The following ADH5 variants were observed in gnomAD, a reference collection of about 807,000 sequenced individuals.
ADH5 encodes alcohol dehydrogenase class-3.
A neutral mutation model predicts 40.3 loss-of-function variants in ADH5; 32 were observed. That is an observed-to-expected ratio of 0.79 (90% confidence interval 0.60 to 1.07). The LOEUF (loss-of-function observed/expected upper bound fraction) is 1.07. ADH5 is among the 50% of genes least tolerant of loss of function. ADH5 has a pLI of 0.00. For missense variants in ADH5, 353 were observed against 460.5 expected, an observed-to-expected ratio of 0.77 and a Z score of 2.14; for synonymous variants, 125 against 154.3, an observed-to-expected ratio of 0.81 and a Z score of 1.41.
intron 4 of ADH5, among the ~76,000 whole-genome samples, chr4:99,078,886 T>C (rs1560754192): frequency 6.6e-6 from 1 of 152,272 alleles, no homozygotes; most frequent in African/African-American, 2.4e-5. Flanking sequence ...ATTTGATGTG[T>C]TGCAAAATCT....
intron 1 of ADH5, among the ~76,000 whole-genome samples, chr4:99,086,525 G>C (rs940524060): frequency 1.3e-5 from 2 of 152,306 alleles, no homozygotes; most frequent in Admixed American, 6.5e-5. Flanking sequence ...GGTTAAGAGT[G>C]TAACTTTGCT....
At position 99,085,135 on chromosome 4, in the gene ADH5, C is replaced by G; in HGVS notation, c.94G>C (p.Ala32Pro). 6.5e-7 allele frequency: 1 copy of G among 1,530,550 alleles called. No homozygotes were observed. The highest frequency in any genetic ancestry group is 8.8e-7 in the Non-Finnish European group (1 of 1,137,232). 94.8% of individuals were successfully genotyped at this position (1,530,550 alleles called of 1,614,324 possible). Residue 32 changes from alanine to proline, a missense_variant, in exon 2 of 9, where the codon GCT becomes CCT. Physicochemically the swap from Ala to Pro is conservative, Grantham distance 27. Transcript: ENST00000296412. ...ATTACCTTGATTCGAACTTCATGAG[C>G]CTTTGGGGGTGCCACCTCTATCTCC... ...IEEIEVAPPKAHEVRIKIIAT... is the reference protein window; with the variant it reads ...IEEIEVAPPKPHEVRIKIIAT...
rs749109587 is a variant in ADH5, at chr4:99,076,307, AC to A, written c.809del (p.Gly270ValfsTer3). The A allele has an allele frequency of 6.2e-7, 1 of 1,614,054 alleles. No homozygotes were observed. The highest frequency in any genetic ancestry group is 8.5e-7 in the Non-Finnish European group (1 of 1,179,904). On this transcript the variant is annotated frameshift_variant, in exon 6 of 9. Transcript: ENST00000296412. LOFTEE classifies it high-confidence loss of function. ...CCATACTCACCATGACCTTCACATT[AC>A]CAATACATTCAAAGGAATAGTCCAC... Reference protein sequence around the residue: ...GGVDYSFECIGNVKVMRAALE... With the variant: ...GGVDYSFECIXNVKVMRAALE...
At chr4:99,082,657 A>C (rs1398574298) in intron 2 of ADH5, among the ~76,000 whole-genome samples, 1 of 152,138 alleles carries the variant, frequency 6.6e-6, no homozygotes, top group Non-Finnish European at 1.5e-5. Context: ...TGTTATCTCT[A>C]TCTCTCTGGC....
intron 1 of ADH5, among the ~76,000 whole-genome samples, chr4:99,087,078 G>C (rs958234913): frequency 1.3e-5 from 2 of 151,362 alleles, no homozygotes; most frequent in Admixed American, 6.6e-5. Context: ...GAACTACATA[G>C]AGATATAAAA....
intron 2 of ADH5, among the ~76,000 whole-genome samples, chr4:99,083,858 G>C (rs1043772238): frequency 6.6e-6 from 1 of 152,094 alleles, no homozygotes; most frequent in Non-Finnish European, 1.5e-5. Flanking sequence ...AACACATGAA[G>C]TTTTCTACAT....
chr4:99,083,300 A>T (rs868691195), intron 2 of ADH5, among the ~76,000 whole-genome samples: 9 of 152,058 alleles, frequency 5.9e-5, no homozygotes, highest in African/African-American at 1.2e-4. Context: ...GTTGCAAAGG[A>T]CCTTAAGATG....
chr4:99,080,679 GTACCC>G (rs1192945688), intron 4 of ADH5: 1 of 152,374 alleles, frequency 6.6e-6, no homozygotes, highest in Non-Finnish European at 1.5e-5. Context: ...CTGTGCCCAG[GTACCC>G]TCTCTGTGTC....
intron 7 of ADH5, among the ~76,000 whole-genome samples, chr4:99,073,150 T>C (rs890710158): frequency 2.0e-5 from 3 of 151,066 alleles, no homozygotes; most frequent in Non-Finnish European, 2.9e-5. Context: ...AACTGAAAAA[T>C]GAAGTAGAAC....
At position 99,072,272 on chromosome 4, in the gene ADH5, G is replaced by A. The variant is rs1469542676; in HGVS notation, c.*145C>T. 2.4e-4 allele frequency: 152 copies of A among 642,604 alleles called. No individual in the cohort carries two copies. Among genetic ancestry groups the A allele is most frequent in the Non-Finnish European group, 9.4e-5 (36 of 382,322 alleles). The allele number at this position is 642,604 out of a possible 1,614,324, so 39.8% of individuals were successfully genotyped here. ...TGAATTATCCTTGTCCTTGATTATA[G>A]AGATTCATGAATGACACACATAACC... On this transcript the variant is annotated 3_prime_UTR_variant, in exon 9 of 9. Transcript: ENST00000296412.
At chr4:99,086,128 T>A (rs1728130177) in intron 1 of ADH5, among the ~76,000 whole-genome samples, 1 of 152,194 alleles carries the variant, frequency 6.6e-6, no homozygotes, top group East Asian at 1.9e-4. Context: ...AAATATCTCA[T>A]CAACAGTATT....
intron 7 of ADH5, among the ~76,000 whole-genome samples, chr4:99,073,710 C>T (rs928853148): frequency 3.9e-5 from 6 of 152,068 alleles, no homozygotes; most frequent in Non-Finnish European, 8.8e-5. Flanking sequence ...CTGAGATGAC[C>T]ACAGTCACTC....
At chr4:99,082,684 A>T (rs2110462925) in intron 2 of ADH5, among the ~76,000 whole-genome samples, 1 of 151,252 alleles carries the variant, frequency 6.6e-6, no homozygotes, top group East Asian at 1.9e-4. Context: ...GTAACTTATT[A>T]TTTTTTTTTG....
At chr4:99,086,185 A>G (rs543068833) in intron 1 of ADH5, among the ~76,000 whole-genome samples, 28 of 152,220 alleles carry the variant, frequency 1.8e-4, no homozygotes, top group Non-Finnish European at 3.8e-4. Flanking sequence ...ATTTATAACA[A>G]CATTATAAAT....
At chr4:99,073,069 C>G (rs1379889798) in intron 7 of ADH5, among the ~76,000 whole-genome samples, 1 of 152,186 alleles carries the variant, frequency 6.6e-6, no homozygotes, top group Non-Finnish European at 1.5e-5. Context: ...AAAACTAATA[C>G]AGGACTTTAT....
chr4:99,087,149 C>A (rs987891072), intron 1 of ADH5, among the ~76,000 whole-genome samples: 17 of 151,314 alleles, frequency 1.1e-4, no homozygotes, highest in African/African-American at 4.1e-4. Flanking sequence ...TTTGGGAGGC[C>A]GAGATGGGCG....
chr4:99,073,099 A>G (rs1310812317), intron 7 of ADH5, among the ~76,000 whole-genome samples: 1 of 152,276 alleles, frequency 6.6e-6, no homozygotes, highest in Non-Finnish European at 1.5e-5. Context: ...TTTAAATTTA[A>G]CAATGAAATA....
chr4:99,081,381 GGTTA>G lies in ADH5; in HGVS notation c.324_327del (p.Asn109PhefsTer5), dbSNP rs748246292. 1.0e-5 allele frequency: 16 copies of G among 1,598,388 alleles called. No individual in the cohort carries two copies. Among genetic ancestry groups the G allele is most frequent in the African/African-American group, 6.7e-5 (5 of 74,658 alleles). On this transcript the variant is annotated frameshift_variant, in exon 4 of 9. Coordinates refer to ENST00000296412, the MANE Select transcript of ADH5 (RefSeq NM_000671.4). LOFTEE classifies it high-confidence loss of function. ...GATACTAACCTTATCTTCTGGCAAA[GGTTA>G]GTTTTAGGATTTAGACAAAATTTGC...
At chr4:99,087,312 G>A (rs1728162908) in intron 1 of ADH5, among the ~76,000 whole-genome samples, 1 of 146,406 alleles carries the variant, frequency 6.8e-6, no homozygotes, top group South Asian at 2.2e-4. Flanking sequence ...AACCCGGGAG[G>A]CAAAGGTTGC....
Sources: allele counts gnomAD v4.1 joint callset (sites outside exome capture counted in the v4.1 genomes callset), GRCh38; gene constraint gnomAD v4.1.1; transcripts MANE v1.5; gene names NCBI Gene and HGNC (gene_info 2026-07-23, HGNC 2026-07-21).